Variants in NUBPL observed in about 807,000 individuals in gnomAD.
NUBPL encodes the protein NUBP iron-sulfur cluster assembly factor, mitochondrial.
NUBPL carries 31 observed loss-of-function variants against 45.7 expected under a neutral mutation model. The ratio of observed to expected loss-of-function variants is 0.68; its 90% CI spans 0.51 to 0.92. The LOEUF is 0.92. Among genes scored for constraint, NUBPL ranks in the 40% least tolerant of loss-of-function variants. NUBPL has a pLI of 0.00. For missense variants in NUBPL, 401 were observed against 398.7 expected (o/e 1.01, Z -0.05); for synonymous variants, 144 against 140.9 (o/e 1.02, Z -0.15).
intron 7 of NUBPL, among the ~76,000 whole-genome samples, chr14:31,792,358 C>T (rs2039397982): frequency 1.3e-5 from 2 of 152,168 alleles, no homozygotes. Flanking sequence ...TGAAAGACTA[C>T]TTTGGGCCTC....
At chr14:31,733,447 G>T (rs2038098102) in intron 6 of NUBPL, among the ~76,000 whole-genome samples, 7 of 152,148 alleles carry the variant, frequency 4.6e-5, no homozygotes, top group Admixed American at 4.6e-4. Flanking sequence ...CATCCTAACA[G>T]TGTCGAGTCT....
intron 6 of NUBPL, among the ~76,000 whole-genome samples, chr14:31,760,402 C>T (rs942276071): frequency 6.6e-6 from 1 of 152,038 alleles, no homozygotes; most frequent in Non-Finnish European, 1.5e-5. Flanking sequence ...GTCCGTCCAC[C>T]TCAGCCTCCC....
At chr14:31,819,230 G>A (rs559937986) in intron 7 of NUBPL, among the ~76,000 whole-genome samples, 1 of 152,260 alleles carries the variant, frequency 6.6e-6, no homozygotes, top group African/African-American at 2.4e-5. Flanking sequence ...TATTGTTTTT[G>A]TTAAACATCA....
intron 4 of NUBPL, among the ~76,000 whole-genome samples, chr14:31,637,951 C>T (rs1347749557): frequency 3.9e-5 from 6 of 152,168 alleles, no homozygotes; most frequent in Non-Finnish European, 8.8e-5. Flanking sequence ...GTAGATCTTC[C>T]TCCATCCTTT....
intron 6 of NUBPL, among the ~76,000 whole-genome samples, chr14:31,760,120 G>A (rs537438717): frequency 3.5e-5 from 1 of 28,576 alleles, no homozygotes; most frequent in South Asian, 1.3e-3. Flanking sequence ...TATTACTTCT[G>A]ACTTTAGTGT....
chr14:31,657,442 A>G (rs568373745), intron 4 of NUBPL, among the ~76,000 whole-genome samples: 2 of 152,226 alleles, frequency 1.3e-5, no homozygotes, highest in South Asian at 2.1e-4. Flanking sequence ...TTCGGTTTAT[A>G]TAAGTCTTAT....
At chr14:31,624,588 G>A (rs1373856379) in intron 4 of NUBPL, among the ~76,000 whole-genome samples, 1 of 152,076 alleles carries the variant, frequency 6.6e-6, no homozygotes, top group Non-Finnish European at 1.5e-5. Context: ...TATTTGAGAT[G>A]GAGTCTCACT....
intron 6 of NUBPL, among the ~76,000 whole-genome samples, chr14:31,756,652 A>G (rs2059262202): frequency 6.8e-6 from 1 of 148,104 alleles, no homozygotes; most frequent in African/African-American, 2.5e-5. Flanking sequence ...GCAAACAGGG[A>G]CAATTTGACT....
At chr14:31,705,298 A>G (rs201549367) in intron 6 of NUBPL, among the ~76,000 whole-genome samples, 1 of 152,182 alleles carries the variant, frequency 6.6e-6, no homozygotes, top group East Asian at 1.9e-4. Context: ...CATCAGCAAG[A>G]TTTATTGTGA....
intron 4 of NUBPL, among the ~76,000 whole-genome samples, chr14:31,666,263 A>ATATATATTTATTTATTTATTATTT: frequency 8.9e-6 from 1 of 111,888 alleles, no homozygotes; most frequent in African/African-American, 3.1e-5. Context: ...ATATATATAT[A>ATATATATTTATTTATTTATTATTT]ATTTTATTTT....
chr14:31,568,682 G>A (rs367878073), intron 3 of NUBPL, among the ~76,000 whole-genome samples: 6 of 152,174 alleles, frequency 3.9e-5, no homozygotes, highest in African/African-American at 1.2e-4. Flanking sequence ...AAAATAGAAT[G>A]CTATAAATAG....
chr14:31,709,427 C>A (rs781606628), intron 6 of NUBPL, among the ~76,000 whole-genome samples: 2 of 152,216 alleles, frequency 1.3e-5, no homozygotes, highest in African/African-American at 2.4e-5. Flanking sequence ...GTCAAGGTCC[C>A]AGTGGGGATC....
intron 6 of NUBPL, among the ~76,000 whole-genome samples, chr14:31,756,779 C>T (rs935430418): frequency 5.9e-5 from 9 of 152,072 alleles, no homozygotes; most frequent in Non-Finnish European, 1.0e-4. Flanking sequence ...GTCTTGTGTC[C>T]GTTTTCAAAG....
intron 4 of NUBPL, among the ~76,000 whole-genome samples, chr14:31,643,905 T>C (rs933817953): frequency 2.0e-5 from 3 of 152,092 alleles, no homozygotes; most frequent in African/African-American, 7.2e-5. Flanking sequence ...ATCCGTTTCT[T>C]GTAGGTTTTC....
chr14:31,800,898 A>G (rs1158350568), intron 7 of NUBPL: 1 of 152,254 alleles, frequency 6.6e-6, no homozygotes, highest in Non-Finnish European at 1.5e-5. Context: ...CTAGCAGGAA[A>G]CAGACGGCAA....
intron 2 of NUBPL, among the ~76,000 whole-genome samples, chr14:31,564,295 C>T (rs907979784): frequency 4.6e-5 from 7 of 152,038 alleles, no homozygotes; most frequent in South Asian, 2.1e-4. Context: ...TACCTTTTAC[C>T]CTTTTCCCTT....
chr14:31,855,135 C>A (rs1159102163), intron 10 of NUBPL, among the ~76,000 whole-genome samples: 1 of 152,122 alleles, frequency 6.6e-6, no homozygotes, highest in Non-Finnish European at 1.5e-5. Flanking sequence ...ATGGCCTTGT[C>A]TCATCTTGCT....
chr14:31,660,883 T>C (rs553292232), intron 4 of NUBPL, among the ~76,000 whole-genome samples: 1 of 152,282 alleles, frequency 6.6e-6, no homozygotes, highest in African/African-American at 2.4e-5. Flanking sequence ...GGAATTCCTA[T>C]AAAAAGAAGA....
chr14:31,683,818 TGGAAATG>T (rs996908608), intron 6 of NUBPL, among the ~76,000 whole-genome samples: 1 of 152,164 alleles, frequency 6.6e-6, no homozygotes, highest in Non-Finnish European at 1.5e-5. Context: ...TTTTATTTAT[TGGAAATG>T]TCTTTATTTT....
Sources: gnomAD v4.1 joint callset for allele counts (sites outside exome capture counted in the v4.1 genomes callset) on GRCh38, gnomAD v4.1.1 for gene constraint, MANE v1.5 for transcripts, NCBI Gene and HGNC (gene_info 2026-07-23, HGNC 2026-07-21) for gene names.